The following CFAP53 variants were observed in gnomAD, a reference collection of about 807,000 sequenced individuals.
CFAP53 encodes the protein cilia and flagella associated protein 53.
CFAP53 carries 62 observed loss-of-function variants against 59.7 expected under a neutral mutation model. That is an observed-to-expected ratio of 1.04 (90% CI 0.85 to 1.28). The LOEUF (loss-of-function observed/expected upper bound fraction) is 1.28, where lower values mean the gene tolerates loss of function less well. Among genes scored for constraint, CFAP53 ranks in the 50% most tolerant of loss-of-function variants. The pLI, the probability that CFAP53 is intolerant of heterozygous loss-of-function variation, is 0.00. For synonymous variants in CFAP53, 218 were observed against 205.7 expected, an observed-to-expected ratio of 1.06 and a Z score of -0.51; for missense variants, 629 against 615.6, an observed-to-expected ratio of 1.02 and a Z score of -0.23.
In CFAP53 at chr18:50,227,498, A is replaced by G. The variant is rs753769759; in HGVS notation, c.1428T>C (p.Gly476=). 1 of 1,614,012 alleles carries G rather than the reference A, an allele frequency of 6.2e-7. No individual in the cohort carries two copies. Among genetic ancestry groups the G allele is most frequent in the Non-Finnish European group, 8.5e-7 (1 of 1,180,012 alleles). Residue 476 remains glycine (G), a synonymous_variant, in exon 8 of 8, where the codon GGT becomes GGC. Transcript: ENST00000398545. ...KEEKRREFEA[G]VAANKMCLDK... is the part of the protein sequence containing the mutation. The stretch of plus-strand genomic sequence containing the variant: ...CCAAACACATCTTGTTTGCTGCTAC[A>G]CCTGCTTCAAACTCTCGGCGTTTCT...
At chr18:50,249,922 A>G (rs8099073) in intron 5 of CFAP53, among the ~76,000 whole-genome samples, 259 of 152,278 alleles carry the variant, frequency 1.7e-3, no homozygotes, top group African/African-American at 5.8e-3. Flanking sequence ...ATCTACAATC[A>G]TATCAAAATG....
intron 6 of CFAP53, 66 bp from the exon 7 acceptor site, chr18:50,238,771 G>C (rs2033661118): frequency 8.6e-7 from 1 of 1,160,990 alleles, no homozygotes; most frequent in Non-Finnish European, 1.3e-6. Context: ...CATCTTTCTG[G>C]GCACCAGAGT....
At chr18:50,266,072 T>A (rs2033964244) in intron 1 of CFAP53, among the ~76,000 whole-genome samples, 1 of 152,150 alleles carries the variant, frequency 6.6e-6, no homozygotes, top group Admixed American at 6.6e-5. Flanking sequence ...GTGGTGATTC[T>A]CCAAAAACAG....
intron 6 of CFAP53, among the ~76,000 whole-genome samples, chr18:50,240,199 T>G (rs890758691): frequency 2.0e-5 from 3 of 151,582 alleles, no homozygotes; most frequent in Non-Finnish European, 4.4e-5. Flanking sequence ...TCATTCAGAT[T>G]ACCTGCTCCA....
intron 1 of CFAP53, among the ~76,000 whole-genome samples, chr18:50,265,514 G>A (rs2033944527): frequency 6.6e-6 from 1 of 152,186 alleles, no homozygotes; most frequent in African/African-American, 2.4e-5. Flanking sequence ...TAAGCTCCTT[G>A]AAGGGAGGGC....
chr18:50,242,210 T>C (rs112956305), intron 6 of CFAP53, among the ~76,000 whole-genome samples: 48 of 152,350 alleles, frequency 3.2e-4, no homozygotes, highest in African/African-American at 1.1e-3. Flanking sequence ...ATTGATTTCA[T>C]ATTGTTCAAA....
intron 7 of CFAP53, among the ~76,000 whole-genome samples, chr18:50,233,279 T>C (rs913796509): frequency 9.2e-5 from 14 of 152,136 alleles, no homozygotes; most frequent in Non-Finnish European, 1.5e-5. Context: ...CCCTTAAAAA[T>C]AAAAAATAAA....
chr18:50,230,884 T>G (rs1222476431), intron 7 of CFAP53, among the ~76,000 whole-genome samples: 2 of 152,214 alleles, frequency 1.3e-5, no homozygotes, highest in Non-Finnish European at 2.9e-5. Context: ...TACCCCTCTA[T>G]GGCAGATTCT....
chr18:50,228,967 G>A (rs1182269349), intron 7 of CFAP53, among the ~76,000 whole-genome samples: 1 of 152,022 alleles, frequency 6.6e-6, no homozygotes, highest in Non-Finnish European at 1.5e-5. Context: ...AGGCATGGTG[G>A]CATGTGCCTG....
At chr18:50,247,723 T>C (rs1241792117) in intron 5 of CFAP53, among the ~76,000 whole-genome samples, 1 of 152,200 alleles carries the variant, frequency 6.6e-6, no homozygotes, top group Admixed American at 6.5e-5. Flanking sequence ...TCACATAACA[T>C]GTGATTCCAT....
Position 50,251,455 on chromosome 18 carries a change from C to T in CFAP53, c.777+26G>A, listed in dbSNP as rs1599126334. 5 of 1,597,670 alleles carry T rather than the reference C, an allele frequency of 3.1e-6. No individual in the cohort carries two copies. The African/African-American group carries it at 4.0e-5, about 13-fold the overall frequency. Reference sequence around the variant, plus strand: ...TACTACACCCATGGCGTTGATCACCCTCTAACAAGCATTTTAAAGGCCCAC... The same window carrying T: ...TACTACACCCATGGCGTTGATCACCTTCTAACAAGCATTTTAAAGGCCCAC... On this transcript the variant is annotated intron_variant, in intron 4 of 7. Transcript: ENST00000398545.
intron 5 of CFAP53, among the ~76,000 whole-genome samples, chr18:50,248,706 A>G (rs9952112): frequency 0.31 from 46,734 of 150,180 alleles, 8,118 homozygotes; most frequent in East Asian, 0.65. Context: ...AATCACTTGA[A>G]CCCGGGAGGT....
At chr18:50,247,800 G>A (rs1178009007) in intron 5 of CFAP53, among the ~76,000 whole-genome samples, 6 of 152,200 alleles carry the variant, frequency 3.9e-5, no homozygotes, top group East Asian at 1.9e-4. Context: ...GCTTAGGACT[G>A]GAGGCAGGAG....
chr18:50,235,950 G>A (rs530550032), intron 7 of CFAP53, among the ~76,000 whole-genome samples: 2 of 152,342 alleles, frequency 1.3e-5, no homozygotes, highest in East Asian at 3.9e-4. Flanking sequence ...TCTGTTGGGG[G>A]AAATGTAGAA....
Position 50,262,054 on chromosome 18 carries a change from C to A in CFAP53, c.235G>T (p.Val79Leu). 1 of 1,614,180 alleles carries A rather than the reference C, an allele frequency of 6.2e-7. No homozygotes were observed. ...ACAGCATCCTTGATTCTTGCTCGCA[C>A]AAGGCTGTCCAAAATCTTGCAGTCA... Reference protein sequence around the residue: ...HNDCKILDSLVRARIKDAVQG... With the variant: ...HNDCKILDSLLRARIKDAVQG... The change falls in exon 2 of 8, where the codon GTG becomes TTG. Residue 79 changes from valine (V) to leucine (L), a missense_variant. Coordinates refer to ENST00000398545, the MANE Select transcript of CFAP53 (RefSeq NM_145020.5).
chr18:50,245,818 T>C (rs896132349), intron 5 of CFAP53, among the ~76,000 whole-genome samples: 31 of 152,150 alleles, frequency 2.0e-4, no homozygotes, highest in Non-Finnish European at 3.2e-4. Flanking sequence ...AAAACAATTT[T>C]AAAAAGAACA....
chr18:50,230,182 C>T (rs1216738302), intron 7 of CFAP53, among the ~76,000 whole-genome samples: 1 of 152,156 alleles, frequency 6.6e-6, no homozygotes, highest in Non-Finnish European at 1.5e-5. Flanking sequence ...CTTGTAATTT[C>T]CTGAGTGATA....
At chr18:50,238,560 A>AT (rs1165499970) in intron 7 of CFAP53, 43 bp downstream of exon 7, 2 of 1,461,028 alleles carry the variant, frequency 1.4e-6, no homozygotes, top group Admixed American at 3.5e-5. Flanking sequence ...CCAAAAATCC[A>AT]TTTTTTAGGT....
intron 3 of CFAP53, among the ~76,000 whole-genome samples, chr18:50,252,025 A>G (rs1210831324): frequency 6.6e-6 from 1 of 152,186 alleles, no homozygotes; most frequent in African/African-American, 2.4e-5. Flanking sequence ...GTGATCTCAG[A>G]TCAAAAACTC....
Sources: gnomAD v4.1 joint callset for allele counts (sites outside exome capture counted in the v4.1 genomes callset) on GRCh38, gnomAD v4.1.1 for gene constraint, MANE v1.5 for transcripts, NCBI Gene and HGNC (gene_info 2026-07-23, HGNC 2026-07-21) for gene names.